The following TRHDE variants were observed in gnomAD, a reference collection of about 807,000 sequenced individuals.
TRHDE encodes the protein thyrotropin releasing hormone degrading enzyme.
In TRHDE, 72 loss-of-function variants were observed where a neutral mutation model predicts 125.7. That is an observed-to-expected ratio of 0.57 (90% CI 0.47 to 0.70). The LOEUF (loss-of-function observed/expected upper bound fraction) is 0.70. Among genes scored for constraint, TRHDE ranks in the 30% least tolerant of loss-of-function variants. The pLI is 0.00. For missense variants in TRHDE, 1,110 were observed against 1,327.1 expected (o/e 0.84, Z 2.54); for synonymous variants, 509 against 509.1 (o/e 1.00, Z 0.00).
At chr12:72,650,286 A>C (rs1451611094) in intron 15 of TRHDE, among the ~76,000 whole-genome samples, 3 of 152,132 alleles carry the variant, frequency 2.0e-5, no homozygotes, top group Non-Finnish European at 4.4e-5. Flanking sequence ...ACAGAAAGAC[A>C]GTTATGATTC....
intron 2 of TRHDE, among the ~76,000 whole-genome samples, chr12:72,361,241 A>C (rs181780050): frequency 2.6e-3 from 400 of 152,020 alleles, no homozygotes; most frequent in Non-Finnish European, 4.7e-3. Flanking sequence ...TACCATGTTA[A>C]ATAAAATCCC....
At chr12:72,563,923 G>A (rs1220487109) in intron 9 of TRHDE, among the ~76,000 whole-genome samples, 2 of 152,076 alleles carry the variant, frequency 1.3e-5, no homozygotes, top group Non-Finnish European at 2.9e-5. Context: ...TTAGGAGTCT[G>A]ACTTTATCAT....
At chr12:72,312,823 G>T (rs1029462726) in intron 2 of TRHDE, among the ~76,000 whole-genome samples, 1 of 152,116 alleles carries the variant, frequency 6.6e-6, no homozygotes, top group African/African-American at 2.4e-5. Flanking sequence ...TAATAAAGTA[G>T]TGACCTATAC....
At chr12:72,157,147 G>A (rs150490738) in intron 2 of TRHDE, among the ~76,000 whole-genome samples, 18 of 149,644 alleles carry the variant, frequency 1.2e-4, no homozygotes, top group Middle Eastern at 3.4e-3. Context: ...GAGCTCTGTC[G>A]CCCAGGCTGG....
intron 15 of TRHDE, among the ~76,000 whole-genome samples, chr12:72,627,972 T>G (rs2136084082): frequency 6.6e-6 from 1 of 151,874 alleles, no homozygotes; most frequent in East Asian, 1.9e-4. Context: ...GACTTTTAAC[T>G]TTTCTAAAAT....
chr12:72,144,288 G>A (rs1002491424), intron 2 of TRHDE, among the ~76,000 whole-genome samples: 1 of 152,208 alleles, frequency 6.6e-6, no homozygotes, highest in African/African-American at 2.4e-5. Flanking sequence ...CCCCTCCTCT[G>A]CAATCCACCC....
intron 7 of TRHDE, among the ~76,000 whole-genome samples, chr12:72,547,219 G>A (rs1393845159): frequency 6.7e-6 from 1 of 149,302 alleles, no homozygotes; most frequent in African/African-American, 2.5e-5. Flanking sequence ...CCTTAATATT[G>A]TATTAAGACC....
At chr12:72,231,450 G>T (rs558073864) in intron 2 of TRHDE, among the ~76,000 whole-genome samples, 1 of 152,084 alleles carries the variant, frequency 6.6e-6, no homozygotes, top group Non-Finnish European at 1.5e-5. Context: ...TCTGTTGTGC[G>T]ATAGTTTAGG....
At chr12:72,613,426 T>A (rs1416823223) in intron 12 of TRHDE, among the ~76,000 whole-genome samples, 1 of 152,198 alleles carries the variant, frequency 6.6e-6, no homozygotes, top group Non-Finnish European at 1.5e-5. Flanking sequence ...AATGCTTAAT[T>A]TAAAAAAATG....
intron 3 of TRHDE, among the ~76,000 whole-genome samples, chr12:72,466,211 C>T (rs1592465831): frequency 6.6e-6 from 1 of 152,198 alleles, no homozygotes; most frequent in African/African-American, 2.4e-5. Flanking sequence ...CAACTGCCCC[C>T]AAGTCTACCT....
intron 3 of TRHDE, among the ~76,000 whole-genome samples, chr12:72,412,087 C>T (rs767124169): frequency 1.3e-5 from 2 of 151,730 alleles, no homozygotes; most frequent in African/African-American, 4.8e-5. Context: ...GATATAAAAC[C>T]CAGTACCTAT....
chr12:72,436,296 G>T lies in TRHDE; in HGVS notation c.1316-33462G>T, dbSNP rs189105586. 3.7e-3 allele frequency among the ~76,000 whole-genome samples: 562 copies of T among 151,880 alleles called. 2 individuals are homozygous for T. The highest frequency in any genetic ancestry group is 0.02 in the Middle Eastern group (6 of 294). ...AATTAACATGTCGTGGTTTTTTCCA[G>T]GTCATTAATAAAATATAGAGTATGA... is the stretch of plus-strand genomic sequence containing the variant. On this transcript the variant is annotated intron_variant, in intron 3 of 18. Coordinates refer to ENST00000261180, the MANE Select transcript of TRHDE (RefSeq NM_013381.3).
At chr12:72,096,285 T>C (rs540781990) in intron 1 of TRHDE, among the ~76,000 whole-genome samples, 107 of 152,320 alleles carry the variant, frequency 7.0e-4, no homozygotes, top group African/African-American at 2.3e-3. Flanking sequence ...TTGTCTGATA[T>C]TTTGGGTAAT....
intron 1 of TRHDE, among the ~76,000 whole-genome samples, chr12:72,097,054 C>A (rs949506266): frequency 1.2e-4 from 19 of 152,332 alleles, no homozygotes; most frequent in Admixed American, 3.9e-4. Context: ...ATATGCCCAC[C>A]TTCATACCTG....
intron 2 of TRHDE, among the ~76,000 whole-genome samples, chr12:72,152,334 A>G (rs932113508): frequency 3.9e-5 from 6 of 151,922 alleles, no homozygotes; most frequent in East Asian, 3.9e-4. Flanking sequence ...CAATCATGTC[A>G]TCTGCAAACA....
chr12:72,559,917 C>T (rs189149731), intron 7 of TRHDE, among the ~76,000 whole-genome samples: 55 of 152,256 alleles, frequency 3.6e-4, no homozygotes, highest in Admixed American at 3.5e-3. Context: ...TGTAGTTGTT[C>T]TCAGTAACCT....
At chr12:72,538,322 T>G (rs1367599633) in intron 6 of TRHDE, among the ~76,000 whole-genome samples, 1 of 152,016 alleles carries the variant, frequency 6.6e-6, no homozygotes, top group African/African-American at 2.4e-5. Flanking sequence ...TCTTAAAACA[T>G]GTCTTCTATG....
At chr12:72,216,765 C>T (rs1877901080) in intron 2 of TRHDE, among the ~76,000 whole-genome samples, 1 of 152,070 alleles carries the variant, frequency 6.6e-6, no homozygotes, top group African/African-American at 2.4e-5. Flanking sequence ...CCAGTCTAGT[C>T]ATCTAATGAA....
chr12:72,363,702 A>T (rs60303359), intron 2 of TRHDE, among the ~76,000 whole-genome samples: 9,234 of 152,116 alleles, frequency 0.061, 595 homozygotes, highest in African/African-American at 0.15. Flanking sequence ...TCCCTTTGAA[A>T]AGTGGCACAA....
Sources: gnomAD v4.1 joint callset for allele counts (sites outside exome capture counted in the v4.1 genomes callset) on GRCh38, gnomAD v4.1.1 for gene constraint, MANE v1.5 for transcripts, NCBI Gene and HGNC (gene_info 2026-07-23, HGNC 2026-07-21) for gene names.